PRKDC: variants seen among roughly 807,000 people sequenced by gnomAD.
The protein encoded by PRKDC is DNA-dependent protein kinase catalytic subunit.
A neutral mutation model predicts 486.9 loss-of-function variants in PRKDC; 82 were observed. The ratio of observed to expected loss-of-function variants is 0.17; its 90% CI spans 0.14 to 0.20. PRKDC has a LOEUF of 0.20. PRKDC is among the 10% of genes least tolerant of loss of function. The pLI is 1.00. For synonymous variants in PRKDC, 1,895 were observed against 1,837.0 expected, an observed-to-expected ratio of 1.03 and a Z score of -0.81; for missense variants, 4,504 against 5,038.2, an observed-to-expected ratio of 0.89 and a Z score of 3.21.
chr8:47,855,561 C>T (rs1184687394), intron 49 of PRKDC, among the ~76,000 whole-genome samples, 188 bp from the exon 50 acceptor site: 1 of 152,230 alleles, frequency 6.6e-6, no homozygotes, highest in Admixed American at 6.5e-5. Flanking sequence ...GCACCGCCGG[C>T]GCTGCAATCT....
At chr8:47,831,161 C>CCCCGGGGGCGCAG (rs2087861289) in intron 60 of PRKDC, among the ~76,000 whole-genome samples, 1 of 152,134 alleles carries the variant, frequency 6.6e-6, no homozygotes, top group Admixed American at 6.5e-5. Flanking sequence ...CAAAACAGTG[C>CCCCGGGGGCGCAG]CCCGGGGGCG....
intron 51 of PRKDC, among the ~76,000 whole-genome samples, chr8:47,853,404 A>C (rs2088460288): frequency 6.6e-6 from 1 of 152,210 alleles, no homozygotes; most frequent in Non-Finnish European, 1.5e-5. Context: ...GGAGGACCAA[A>C]CAGAGAGAGT....
In PRKDC at chr8:47,782,689, T is replaced by C. The variant is rs2154497524; in HGVS notation, c.11176-91A>G. 7.2e-7 allele frequency: 1 copy of C among 1,390,298 alleles called. No homozygotes were observed. The highest frequency in any genetic ancestry group is 9.8e-7 in the Non-Finnish European group (1 of 1,023,574). 86.1% of individuals were successfully genotyped at this position (1,390,298 alleles called of 1,614,324 possible). A position where few individuals can be genotyped will look rare whatever the true frequency, so the allele number is the denominator to read the frequency against. ...CAGAGTGGCTGTGAGCATTCCTCCG[T>C]GGGGCCGCCCTCTGAAGACAGTGCC... On this transcript the variant is annotated intron_variant, in intron 78 of 85. Coordinates refer to ENST00000314191, the MANE Select transcript of PRKDC (RefSeq NM_006904.7). The surrounding 1 kb of genome is among the most constrained non-coding windows in gnomAD (Gnocchi z 4.9).
chr8:47,933,327 A>G (rs1455730199), intron 15 of PRKDC, among the ~76,000 whole-genome samples, 155 bp from the exon 16 acceptor site: 1 of 152,224 alleles, frequency 6.6e-6, no homozygotes, highest in Non-Finnish European at 1.5e-5. Flanking sequence ...GAAGTTTTCA[A>G]GTTGCAAGAT....
At chr8:47,812,004 T>C (rs1202359328) in intron 68 of PRKDC, among the ~76,000 whole-genome samples, 1 of 152,166 alleles carries the variant, frequency 6.6e-6, no homozygotes, top group East Asian at 1.9e-4. Context: ...CACCGTGGCA[T>C]GTGTATACCT....
Position 47,783,766 on chromosome 8 carries a change from C to T in PRKDC, c.11151G>A (p.Val3717=), listed in dbSNP as rs1208152352. The change falls in exon 78 of 86, where the codon GTG becomes GTA. Residue 3717 remains valine, a synonymous_variant. Transcript: ENST00000314191. The part of the protein sequence containing the change: ...GRGKPLPEYH[V]RIAGFDERVT... ...CCCGCTCATCAAACCCGGCGATTCG[C>T]ACGTGGTACTCTGGCAATGGCTTTC... is the stretch of plus-strand genomic sequence containing the variant. The T allele has an allele frequency of 9.9e-6, 16 of 1,613,978 alleles. No homozygotes were observed. Among genetic ancestry groups the T allele is most frequent in the Non-Finnish European group, 1.4e-5 (16 of 1,179,894 alleles).
At chr8:47,853,409 G>A (rs2088460618) in intron 51 of PRKDC, among the ~76,000 whole-genome samples, 1 of 152,232 alleles carries the variant, frequency 6.6e-6, no homozygotes, top group African/African-American at 2.4e-5. Flanking sequence ...ACCAAACAGA[G>A]AGAGTGATTG....
chr8:47,944,108 A>G (rs1589810986), intron 7 of PRKDC, 79 bp from the exon 8 acceptor site: 1 of 1,123,560 alleles, frequency 8.9e-7, no homozygotes, highest in Non-Finnish European at 1.3e-6. Context: ...CTTGACACCT[A>G]TATTAACCCC....
At chr8:47,798,485 T>A (rs1036198538) in intron 72 of PRKDC, 88 bp from the exon 73 acceptor site, 4 of 1,360,094 alleles carry the variant, frequency 2.9e-6, no homozygotes, top group Non-Finnish European at 2.9e-6. Context: ...TTTCCCTTTT[T>A]GGCTTGTATT....
At chr8:47,820,048 A>T (rs1360688617) in intron 66 of PRKDC, among the ~76,000 whole-genome samples, 1 of 152,156 alleles carries the variant, frequency 6.6e-6, no homozygotes, top group Non-Finnish European at 1.5e-5. Flanking sequence ...GGCAGCAAAC[A>T]ATCAGGAAAG....
At chr8:47,952,229 C>A (rs148961548) in intron 7 of PRKDC, among the ~76,000 whole-genome samples, 1 of 152,040 alleles carries the variant, frequency 6.6e-6, no homozygotes, top group Non-Finnish European at 1.5e-5. Context: ...TGCCCATATA[C>A]GGATGAATGA....
At chr8:47,866,149 TC>T (rs1037114319) in intron 40 of PRKDC, among the ~76,000 whole-genome samples, 2 of 75,526 alleles carry the variant, frequency 2.6e-5, no homozygotes, top group African/African-American at 1.1e-4. Flanking sequence ...ATAGAGAAAC[TC>T]CGTCGCAAAA....
intron 40 of PRKDC, among the ~76,000 whole-genome samples, chr8:47,870,898 G>T (rs1211106698): frequency 6.6e-6 from 1 of 152,110 alleles, no homozygotes; most frequent in Non-Finnish European, 1.5e-5. Flanking sequence ...AAATTAAAAA[G>T]AATCAAGCAG....
chr8:47,903,484 G>C (rs984515679), intron 26 of PRKDC, among the ~76,000 whole-genome samples: 1 of 152,170 alleles, frequency 6.6e-6, no homozygotes, highest in Non-Finnish European at 1.5e-5. Flanking sequence ...ATCCTTTCTT[G>C]CAGAGGTAAT....
At chr8:47,931,849 G>T (rs189840414) in intron 16 of PRKDC, among the ~76,000 whole-genome samples, 3 of 152,298 alleles carry the variant, frequency 2.0e-5, no homozygotes, top group African/African-American at 7.2e-5. Context: ...TACCACCAAT[G>T]CCTCGGACCA....
chr8:47,850,663 C>T (rs764337466), intron 52 of PRKDC, among the ~76,000 whole-genome samples: 4 of 152,050 alleles, frequency 2.6e-5, no homozygotes, highest in Non-Finnish European at 5.9e-5. Flanking sequence ...GTATTTAATA[C>T]GACAACACAA....
intron 11 of PRKDC, among the ~76,000 whole-genome samples, chr8:47,938,327 C>T (rs1448759437): frequency 1.3e-5 from 2 of 150,772 alleles, no homozygotes; most frequent in South Asian, 2.1e-4. Flanking sequence ...AGGAGAATTG[C>T]TTGAACCCGG....
In PRKDC at chr8:47,901,429, G is replaced by A. The variant is rs376827791; in HGVS notation, c.3270-962C>T. Among the ~76,000 whole-genome samples the A allele has an allele frequency of 6.7e-5, 10 of 148,874 alleles. No individual in the cohort carries two copies. In the East Asian group the frequency reaches 1.0e-3, roughly 15 times the overall value. On this transcript the variant is annotated intron_variant, in intron 27 of 85. Coordinates refer to ENST00000314191, the MANE Select transcript of PRKDC (RefSeq NM_006904.7). Reference sequence around the variant, plus strand: ...GCAGAGGTTGCAGTGAGCCGAGATCGCACCACTGCACTCCAGCCTGGGTGA... The same window carrying A: ...GCAGAGGTTGCAGTGAGCCGAGATCACACCACTGCACTCCAGCCTGGGTGA...
chr8:47,855,216 A>G lies in PRKDC; in HGVS notation c.6761+6T>C. 2 of 1,587,738 alleles carry G rather than the reference A, an allele frequency of 1.3e-6. No individual in the cohort carries two copies. The highest frequency in any genetic ancestry group is 1.7e-6 in the Non-Finnish European group (2 of 1,168,156). On this transcript the variant is annotated splice_donor_region_variant and intron_variant, in intron 50 of 85. Coordinates refer to ENST00000314191, the MANE Select transcript of PRKDC (RefSeq NM_006904.7). ...TAAACAATACTGCAAAAACCAGTAA[A>G]CATACCTATAAGGGATGGATAAACA...
Sources: gnomAD v4.1 joint callset for allele counts (sites outside exome capture counted in the v4.1 genomes callset) on GRCh38, gnomAD v4.1.1 for gene constraint, Gnocchi (gnomAD v3.1) non-coding constraint, MANE v1.5 for transcripts, NCBI Gene and HGNC (gene_info 2026-07-23, HGNC 2026-07-21) for gene names.